The following TMEM117 variants were observed in gnomAD, a reference collection of about 807,000 sequenced individuals.
TMEM117 encodes the protein transmembrane protein 117.
Under a neutral mutation model 52.4 loss-of-function variants are expected in TMEM117, and 27 were observed. The observed-to-expected ratio is 0.51, with a 90% CI of 0.38 to 0.71. The LOEUF is 0.71. TMEM117 is among the 30% of genes least tolerant of loss of function. TMEM117 has a pLI of 0.00. For synonymous variants in TMEM117, 215 were observed against 206.3 expected, an observed-to-expected ratio of 1.04 and a Z score of -0.36; for missense variants, 556 against 630.5, an observed-to-expected ratio of 0.88 and a Z score of 1.26.
intron 2 of TMEM117, among the ~76,000 whole-genome samples, chr12:43,852,171 C>T (rs1197434091): frequency 6.6e-6 from 1 of 150,530 alleles, no homozygotes; most frequent in African/African-American, 2.5e-5. Flanking sequence ...GTGGCTCATG[C>T]CTGTAATCCC....
chr12:44,357,621 A>G (rs1951668807), intron 6 of TMEM117, among the ~76,000 whole-genome samples: 1 of 152,108 alleles, frequency 6.6e-6, no homozygotes, highest in Non-Finnish European at 1.5e-5. Context: ...CCGCAACAAG[A>G]TACCATCACA....
At chr12:44,205,057 A>G (rs928908178) in intron 4 of TMEM117, among the ~76,000 whole-genome samples, 2 of 152,198 alleles carry the variant, frequency 1.3e-5, no homozygotes, top group Non-Finnish European at 2.9e-5. Flanking sequence ...CATGTGGGAC[A>G]TAAACTAAAG....
chr12:44,002,179 C>T (rs1946126480), intron 3 of TMEM117, among the ~76,000 whole-genome samples: 1 of 152,190 alleles, frequency 6.6e-6, no homozygotes. Context: ...GCCAAGAGAA[C>T]ACCTGCACGA....
At chr12:44,016,937 A>G (rs1946381680) in intron 3 of TMEM117, among the ~76,000 whole-genome samples, 1 of 152,214 alleles carries the variant, frequency 6.6e-6, no homozygotes, top group South Asian at 2.1e-4. Flanking sequence ...CTGGCCACAG[A>G]TATAAATTGA....
intron 6 of TMEM117, among the ~76,000 whole-genome samples, chr12:44,364,475 C>A (rs749689135): frequency 3.3e-5 from 5 of 151,978 alleles, no homozygotes; most frequent in South Asian, 2.1e-4. Context: ...GCTTCAACCT[C>A]ACAATAACAT....
downstream of TMEM117, among the ~76,000 whole-genome samples, chr12:44,393,466 G>T (rs1419795894): frequency 6.9e-6 from 1 of 143,992 alleles, no homozygotes; most frequent in Non-Finnish European, 1.5e-5. Flanking sequence ...AACAATTGAA[G>T]GTAAGTAGGG....
chr12:43,860,982 C>T (rs1029312756), intron 2 of TMEM117, among the ~76,000 whole-genome samples: 1 of 152,074 alleles, frequency 6.6e-6, no homozygotes, highest in African/African-American at 2.4e-5. Context: ...CATTATGGCT[C>T]CTTTATGGGG....
intron 6 of TMEM117, among the ~76,000 whole-genome samples, chr12:44,363,464 CA>C (rs1181720630): frequency 6.6e-6 from 1 of 152,078 alleles, no homozygotes; most frequent in Admixed American, 6.6e-5. Context: ...CTTTAAAGGA[CA>C]TCTCTTTATT....
intron 4 of TMEM117, among the ~76,000 whole-genome samples, chr12:44,196,328 T>C (rs193029124): frequency 1.7e-4 from 26 of 152,236 alleles, no homozygotes; most frequent in African/African-American, 6.3e-4. Context: ...ACAAAATTTG[T>C]TATCTGAAAG....
chr12:44,302,849 A>G (rs1173567251), intron 6 of TMEM117, among the ~76,000 whole-genome samples: 1 of 152,222 alleles, frequency 6.6e-6, no homozygotes, highest in East Asian at 1.9e-4. Context: ...CAAATATCCT[A>G]ACAAGTTCAC....
intron 5 of TMEM117, among the ~76,000 whole-genome samples, chr12:44,213,163 C>T (rs1265960092): frequency 6.6e-6 from 1 of 152,090 alleles, no homozygotes; most frequent in Non-Finnish European, 1.5e-5. Context: ...AGGCAGCAGG[C>T]CAAAGACTTT....
At chr12:44,362,335 C>T (rs1353231106) in intron 6 of TMEM117, among the ~76,000 whole-genome samples, 1 of 152,086 alleles carries the variant, frequency 6.6e-6, no homozygotes, top group East Asian at 1.9e-4. Flanking sequence ...CCCTATCTAA[C>T]GTAGCTTCTC....
At chr12:43,889,164 C>T (rs1476051526) in intron 2 of TMEM117, among the ~76,000 whole-genome samples, 2 of 150,936 alleles carry the variant, frequency 1.3e-5, no homozygotes, top group Non-Finnish European at 3.0e-5. Flanking sequence ...CTCACTGCAA[C>T]CTCCGCCTCC....
chr12:44,234,628 C>T (rs1274569299), intron 5 of TMEM117, among the ~76,000 whole-genome samples: 2 of 151,190 alleles, frequency 1.3e-5, no homozygotes, highest in African/African-American at 4.8e-5. Flanking sequence ...TTATTTCCTA[C>T]ATTTTTTTTG....
At chr12:43,895,404 C>T (rs558998179) in intron 2 of TMEM117, among the ~76,000 whole-genome samples, 5 of 152,166 alleles carry the variant, frequency 3.3e-5, no homozygotes, top group South Asian at 4.2e-4. Flanking sequence ...ATCACTGACG[C>T]GCATTTAGGT....
intron 3 of TMEM117, among the ~76,000 whole-genome samples, chr12:44,094,163 A>T (rs1193949272): frequency 6.6e-6 from 1 of 152,138 alleles, no homozygotes; most frequent in Non-Finnish European, 1.5e-5. Context: ...TGCTTGATTC[A>T]ATTTAAAGGG....
the TMEM117 span, among the ~76,000 whole-genome samples, chr12:44,397,664 T>G: frequency 6.6e-6 from 1 of 152,248 alleles, no homozygotes; most frequent in Non-Finnish European, 1.5e-5. Flanking sequence ...ACATAGTTCT[T>G]GTAATCAATT....
chr12:44,395,240 T>C, the TMEM117 span, among the ~76,000 whole-genome samples: 1 of 152,196 alleles, frequency 6.6e-6, no homozygotes, highest in African/African-American at 2.4e-5. Flanking sequence ...TCAAATACAC[T>C]AGAAAACTCA....
rs141744124 is a variant in TMEM117, at chr12:44,276,972, T to C, written c.609-22608T>C. Among the ~76,000 whole-genome samples, 597 of 151,820 alleles carry C rather than the reference T, an allele frequency of 3.9e-3. 3 individuals carry two copies. The highest frequency in any genetic ancestry group is 0.013 in the African/African-American group (557 of 41,382). On this transcript the variant is annotated intron_variant, in intron 5 of 7. Coordinates refer to ENST00000266534, the MANE Select transcript of TMEM117 (RefSeq NM_032256.3). Reference sequence around the variant, plus strand: ...TAGCAATCTTCTAAGGCTGTGGTGGTTAAATTTAGCTAAGAGAAATTGCAT... The same window carrying C: ...TAGCAATCTTCTAAGGCTGTGGTGGCTAAATTTAGCTAAGAGAAATTGCAT...
Sources: gnomAD v4.1 joint callset for allele counts (sites outside exome capture counted in the v4.1 genomes callset) on GRCh38, gnomAD v4.1.1 for gene constraint, MANE v1.5 for transcripts, NCBI Gene and HGNC (gene_info 2026-07-23, HGNC 2026-07-21) for gene names.